The following LINC00305 variants were observed in gnomAD, a reference collection of about 807,000 sequenced individuals.
LINC00305 encodes the protein long intergenic non-protein coding RNA 305.
At chr18:64,133,299 T>C (rs2051418268) in intron 1 of LINC00305, among the ~76,000 whole-genome samples, 1 of 152,146 alleles carries the variant, frequency 6.6e-6, no homozygotes, top group Non-Finnish European at 1.5e-5. Context: ...TGACTCTAAG[T>C]GAATTACAAC....
chr18:64,139,811 A>G (rs2051452827), intron 1 of LINC00305, among the ~76,000 whole-genome samples: 3 of 152,116 alleles, frequency 2.0e-5, no homozygotes, highest in Admixed American at 2.0e-4. Flanking sequence ...ACAACTTCCA[A>G]GAATCTTGAG....
chr18:64,110,281 C>T lies in LINC00305; in HGVS notation n.315-11641G>A, dbSNP rs538192544. Among the ~76,000 whole-genome samples the T allele has an allele frequency of 5.3e-5, 8 of 152,272 alleles. No individual in the cohort carries two copies. In the East Asian group the frequency reaches 5.8e-4, roughly 11 times the overall value. Reference sequence around the variant, plus strand: ...TTATCGTAGCATAACCTTACCTCTCCTCACTCTGCAAAGAATATCTGCTTA... The same window carrying T: ...TTATCGTAGCATAACCTTACCTCTCTTCACTCTGCAAAGAATATCTGCTTA... On this transcript the variant is annotated intron_variant and non_coding_transcript_variant, in intron 1 of 3. Coordinates refer to ENST00000666468, the Ensembl canonical transcript of LINC00305.
chr18:64,138,242 C>T (rs1379941231), intron 1 of LINC00305, among the ~76,000 whole-genome samples: 2 of 152,108 alleles, frequency 1.3e-5, no homozygotes, highest in Non-Finnish European at 2.9e-5. Context: ...GGGCTGCTCT[C>T]TCATTACCTC....
chr18:64,098,868 G>A (rs537987481), intron 1 of LINC00305, among the ~76,000 whole-genome samples: 1 of 152,254 alleles, frequency 6.6e-6, no homozygotes, highest in South Asian at 2.1e-4. Flanking sequence ...GCTTAAATTT[G>A]ACAAAAATAT....
At chr18:64,106,473 C>T (rs1444322283) in intron 1 of LINC00305, among the ~76,000 whole-genome samples, 2 of 152,076 alleles carry the variant, frequency 1.3e-5, no homozygotes, top group African/African-American at 2.4e-5. Context: ...AACAAATGTT[C>T]GAAGATGCCC....
chr18:64,098,451 A>G, intron 2 of LINC00305: 1 of 380,938 alleles, frequency 2.6e-6, no homozygotes, highest in South Asian at 1.9e-5. Flanking sequence ...GAAAATTTGA[A>G]GTGAGTTCAT....
chr18:64,080,512 C>A, intron 3 of LINC00305: 1 of 227,156 alleles, frequency 4.4e-6, no homozygotes, highest in Non-Finnish European at 9.1e-6. Context: ...TTTTAGAATA[C>A]TTTAAAAAAC....
rs533936733 is a variant in LINC00305, at chr18:64,104,474, C to T, written n.315-5834G>A. On this transcript the variant is annotated intron_variant and non_coding_transcript_variant, in intron 1 of 3. Coordinates refer to ENST00000666468, the Ensembl canonical transcript of LINC00305. Reference sequence around the variant, plus strand: ...AAAGAAGATTCCTCCTCCTGAGAACCCAACCTGCACCTTAATCAATTACCA... The same window carrying T: ...AAAGAAGATTCCTCCTCCTGAGAACTCAACCTGCACCTTAATCAATTACCA... Among the ~76,000 whole-genome samples the T allele has an allele frequency of 1.3e-4, 20 of 152,254 alleles. 1 individual carries two copies. The South Asian group carries it at 4.1e-3, about 32-fold the overall frequency.
intron 1 of LINC00305, among the ~76,000 whole-genome samples, chr18:64,107,911 G>T (rs955422785): frequency 3.3e-5 from 5 of 152,142 alleles, no homozygotes; most frequent in Admixed American, 2.6e-4. Context: ...TCCAGAACAG[G>T]CTCAGGCCAT....
intron 2 of LINC00305, chr18:64,098,489 G>A (rs940236074): frequency 2.6e-5 from 11 of 415,440 alleles, no homozygotes; most frequent in Non-Finnish European, 5.1e-5. Context: ...TCTAATTTGG[G>A]AAACAAATTA....
chr18:64,124,324 T>C (rs1451121112), intron 1 of LINC00305, among the ~76,000 whole-genome samples: 1 of 152,096 alleles, frequency 6.6e-6, no homozygotes, highest in African/African-American at 2.4e-5. Context: ...GTTTTCCTCA[T>C]GTCCTTAAGG....
chr18:64,105,344 C>T (rs1275895095), intron 1 of LINC00305, among the ~76,000 whole-genome samples: 1 of 151,902 alleles, frequency 6.6e-6, no homozygotes, highest in African/African-American at 2.4e-5. Context: ...ACCTGTAGTC[C>T]CAGCTACTAG....
chr18:64,081,334 AT>A (rs1371187274), intron 3 of LINC00305, among the ~76,000 whole-genome samples: 1 of 152,220 alleles, frequency 6.6e-6, no homozygotes, highest in African/African-American at 2.4e-5. Flanking sequence ...TCTAAATCAA[AT>A]CTATATTAAA....
chr18:64,124,791 T>G (rs2051377756), intron 1 of LINC00305, among the ~76,000 whole-genome samples: 1 of 152,142 alleles, frequency 6.6e-6, no homozygotes, highest in South Asian at 2.1e-4. Context: ...GTGAGGTGGT[T>G]GTCTTATTTT....
intron 3 of LINC00305, among the ~76,000 whole-genome samples, chr18:64,082,082 C>T (rs578158999): frequency 2.6e-5 from 4 of 152,268 alleles, no homozygotes; most frequent in African/African-American, 7.2e-5. Context: ...GTAAGACTAA[C>T]AAATTGGCCA....
chr18:64,088,559 T>C (rs148648897), intron 3 of LINC00305, among the ~76,000 whole-genome samples: 306 of 152,364 alleles, frequency 2.0e-3, no homozygotes, highest in African/African-American at 7.0e-3. Context: ...CCAGGACTCA[T>C]GTCCATGTGG....
At chr18:64,097,211 G>T (rs1858239636) in intron 3 of LINC00305, among the ~76,000 whole-genome samples, 1 of 152,044 alleles carries the variant, frequency 6.6e-6, no homozygotes, top group Non-Finnish European at 1.5e-5. Flanking sequence ...ATATTATGCA[G>T]CCATGAAAGA....
At chr18:64,092,135 T>C (rs1175317045) in intron 3 of LINC00305, among the ~76,000 whole-genome samples, 2 of 152,244 alleles carry the variant, frequency 1.3e-5, no homozygotes, top group East Asian at 3.9e-4. Context: ...TTGGCTTTTC[T>C]CACAGGTTTT....
intron 1 of LINC00305, among the ~76,000 whole-genome samples, chr18:64,101,002 G>A (rs964651727): frequency 6.6e-6 from 1 of 152,146 alleles, no homozygotes; most frequent in Non-Finnish European, 1.5e-5. Context: ...ATTCCAAATG[G>A]TTTGAAAGAC....
Sources: allele counts gnomAD v4.1 joint callset (sites outside exome capture counted in the v4.1 genomes callset), GRCh38; gene constraint gnomAD v4.1.1; transcripts MANE v1.5; gene names NCBI Gene and HGNC (gene_info 2026-07-23, HGNC 2026-07-21).